The following PICK1 variants were observed in gnomAD, a reference collection of about 807,000 sequenced individuals.
PICK1 encodes protein interacting with PRKCA 1, also known as PRKCA-binding protein.
Under a neutral mutation model 48.9 loss-of-function variants are expected in PICK1, and 23 were observed. The observed-to-expected ratio is 0.47, with a 90% confidence interval of 0.34 to 0.67. PICK1 has a LOEUF of 0.67. PICK1 is among the 30% of genes least tolerant of loss of function. PICK1 has a pLI of 0.01. For synonymous variants in PICK1, 217 were observed against 228.2 expected, an observed-to-expected ratio of 0.95 and a Z score of 0.44; for missense variants, 423 against 557.1, an observed-to-expected ratio of 0.76 and a Z score of 2.42.
In PICK1 at chr22:38,073,805, CG is replaced by C; in HGVS notation, c.817del (p.Glu273ArgfsTer8). On this transcript the variant is annotated frameshift_variant, in exon 11 of 13. Transcript: ENST00000356976. LOFTEE classifies it high-confidence loss of function. The surrounding 1 kb of genome is among the most constrained non-coding windows in gnomAD (Gnocchi z 5.7). ...GCCTGAAGGTGAAGGAGATGGATGA[CG>C]AGGAATACAGCTGCATTGTGAGTGT... The part of the protein sequence containing the change: ...YCLKVKEMDD[E>X]EYSCIALGEP... The C allele has an allele frequency of 6.2e-7, 1 of 1,613,104 alleles. No homozygotes were observed. The highest frequency in any genetic ancestry group is 2.2e-5 in the East Asian group (1 of 44,830).
At position 38,059,243 on chromosome 22, in the gene PICK1, G is replaced by A. The variant is rs956340350; in HGVS notation, c.51G>A (p.Pro17=). 7.0e-6 allele frequency: 11 copies of A among 1,578,668 alleles called. No individual in the cohort carries two copies. The highest frequency in any genetic ancestry group is 2.3e-5 in the East Asian group (1 of 42,884). ...TTGCTTTCCTTTCTAGCGGAATCCC[G>A]ACTGTGCCTGGGAAGGTGACCCTGC... ...YDIEEDKLGI[P]TVPGKVTLQK... is the part of the protein sequence containing the mutation. The change falls in exon 3 of 13, where the codon CCG becomes CCA. Residue 17 remains proline (P), a synonymous_variant. Transcript: ENST00000356976.
intron 3 of PICK1, among the ~76,000 whole-genome samples, chr22:38,062,077 C>G (rs973753126): frequency 1.3e-5 from 2 of 152,166 alleles, no homozygotes. Context: ...CCTACTCTTG[C>G]GGAGCCCTCA....
Position 38,071,667 on chromosome 22 carries a change from C to A in PICK1, c.494-15C>A. The A allele has an allele frequency of 6.2e-7, 1 of 1,612,000 alleles. No individual in the cohort carries two copies. Among genetic ancestry groups the A allele is most frequent in the Non-Finnish European group, 8.5e-7 (1 of 1,178,644 alleles). ...CCATGCGTCCCCATTCCGCATCACT[C>A]GGTCTCTCCCACAGGGATGACGGAA... On this transcript the variant is annotated splice_polypyrimidine_tract_variant and intron_variant, in intron 7 of 12. Transcript: ENST00000356976.
chr22:38,063,763 C>T (rs767384182), intron 3 of PICK1, among the ~76,000 whole-genome samples: 3 of 151,578 alleles, frequency 2.0e-5, no homozygotes, highest in Non-Finnish European at 4.4e-5. Flanking sequence ...CCACCTCAGC[C>T]TCCCAAGTAG....
chr22:38,070,306 C>G (rs1417127361), intron 6 of PICK1, among the ~76,000 whole-genome samples: 1 of 152,230 alleles, frequency 6.6e-6, no homozygotes, highest in Non-Finnish European at 1.5e-5. Context: ...GGGCTTTCAG[C>G]CTTGAGAGCA....
At chr22:38,065,767 T>A (rs2085510008) in intron 4 of PICK1, among the ~76,000 whole-genome samples, 1 of 152,204 alleles carries the variant, frequency 6.6e-6, no homozygotes, top group African/African-American at 2.4e-5. Flanking sequence ...GCAGCCCCTT[T>A]GCCATTTCCT....
At position 38,069,682 on chromosome 22, in the gene PICK1, A is replaced by G; in HGVS notation, c.439+560A>G. ...GTGTGCCTGTGGGGTAGATATAAATACTTCTAGAAATTGTAGGCTCAGCTG... is the reference window on the plus strand; with the variant it reads ...GTGTGCCTGTGGGGTAGATATAAATGCTTCTAGAAATTGTAGGCTCAGCTG... On this transcript the variant is annotated intron_variant, in intron 6 of 12. Coordinates refer to ENST00000356976, the MANE Select transcript of PICK1 (RefSeq NM_012407.4). Among the ~76,000 whole-genome samples, 2 of 152,066 alleles carry G rather than the reference A, an allele frequency of 1.3e-5. 1 individual carries two copies. Among genetic ancestry groups the G allele is most frequent in the East Asian group, 3.9e-4 (2 of 5,176 alleles).
Position 38,067,784 on chromosome 22 carries a change from A to G in PICK1, c.349+14A>G. ...CCCTGGACATTGGTAAGCTGGTCAG[A>G]GCAGTTACGGGTGTCCAGCAGCCTC... is the stretch of plus-strand genomic sequence containing the variant. On this transcript the variant is annotated intron_variant, in intron 5 of 12. Coordinates refer to ENST00000356976, the MANE Select transcript of PICK1 (RefSeq NM_012407.4). 2 of 1,612,188 alleles carry G rather than the reference A, an allele frequency of 1.2e-6. No individual in the cohort carries two copies. The highest frequency in any genetic ancestry group is 1.7e-4 in the Middle Eastern group (1 of 6,046).
rs149474436 is a variant in PICK1 at position 38,074,931 on chromosome 22, C to T, written c.1047C>T (p.Tyr349=). Residue 349 remains tyrosine (Y), a synonymous_variant, in exon 13 of 13, where the codon TAC becomes TAT. Transcript: ENST00000356976. This position sits in a 1 kb window ranked among gnomAD's most constrained non-coding sequence, Gnocchi z 4.5. ...TGTCCAAGTACTACAACGACTGCTA[C>T]GCAGTGCTGCGGGATGCCGACGTCT... is the stretch of plus-strand genomic sequence containing the variant. ...STMSKYYNDC[Y]AVLRDADVFP... 3,231 of 1,613,662 alleles carry T rather than the reference C, an allele frequency of 2.0e-3. 62 individuals carry two copies. In the East Asian group the frequency reaches 0.03, roughly 15 times the overall value.
intron 2 of PICK1, among the ~76,000 whole-genome samples, chr22:38,058,845 A>C (rs2085332843): frequency 6.6e-6 from 1 of 152,172 alleles, no homozygotes; most frequent in Admixed American, 6.5e-5. Flanking sequence ...TCTCTACTAA[A>C]AATACAAAAA....
intron 3 of PICK1, among the ~76,000 whole-genome samples, chr22:38,061,182 A>T (rs2085391888): frequency 6.6e-6 from 1 of 152,034 alleles, no homozygotes; most frequent in Non-Finnish European, 1.5e-5. Context: ...TCTCTACTAA[A>T]ATACAAAAAT....
chr22:38,067,446 T>C, intron 4 of PICK1: 1 of 416,718 alleles, frequency 2.4e-6, no homozygotes, highest in East Asian at 5.6e-5. Context: ...GCAGCTGGGA[T>C]TACAGGCACG....
At position 38,057,792 on chromosome 22, in the gene PICK1, A is replaced by C. The variant is rs1185770145; in HGVS notation, c.-18A>C. On this transcript the variant is annotated 5_prime_UTR_variant, in exon 2 of 13. Transcript: ENST00000356976. ...ACCGAGCTGGGCAGTTAGCCAGCCC[A>C]CTCCAACTCTCGGAACCATGTTTGC... 6.2e-7 allele frequency: 1 copy of C among 1,613,162 alleles called. No individual in the cohort carries two copies. Among genetic ancestry groups the C allele is most frequent in the South Asian group, 1.1e-5 (1 of 91,064 alleles).
Position 38,073,070 on chromosome 22 carries a change from T to A in PICK1, c.761T>A (p.Leu254Gln), listed in dbSNP as rs2085742507. The A allele has an allele frequency of 6.2e-7, 1 of 1,613,008 alleles. No homozygotes were observed. The highest frequency in any genetic ancestry group is 1.3e-5 in the African/African-American group (1 of 74,928). The change falls in exon 10 of 13, where the codon CTG becomes CAG. Residue 254 changes from leucine (L) to glutamine (Q), a missense_variant. This residue lies in a region of PICK1 where 279 missense variants were observed against 417.8 expected (regional missense o/e 0.67). Coordinates refer to ENST00000356976, the MANE Select transcript of PICK1 (RefSeq NM_012407.4). This position sits in a 1 kb window ranked among gnomAD's most constrained non-coding sequence, Gnocchi z 5.7. ...PDTRLTIKKY[L>Q]DVKFEYLSYC... ...ACTCGCCTCACCATCAAGAAGTACC[T>A]GGACGTGAAGTTTGAGTACCTGGTG...
rs1002763539 is a variant in PICK1, at chr22:38,069,253, TGAG to T, written c.439+132_439+134del. On this transcript the variant is annotated intron_variant, in intron 6 of 12. Transcript: ENST00000356976. ...TGACCCTGGCCTCTGCCCGTGGAAC[TGAG>T]AAGTCACCATCTCTGTACCCCCAGA... is the stretch of plus-strand genomic sequence containing the variant. 9.9e-5 allele frequency: 68 copies of T among 687,926 alleles called. No individual in the cohort carries two copies. In the African/African-American group the frequency reaches 1.1e-3, roughly 11 times the overall value. The allele number at this position is 687,926 out of a possible 1,614,324, so 42.6% of individuals were successfully genotyped here.
chr22:38,074,522 C>G lies in PICK1; in HGVS notation c.979+71C>G. On this transcript the variant is annotated intron_variant, in intron 12 of 12. Transcript: ENST00000356976. This position sits in a 1 kb window ranked among gnomAD's most constrained non-coding sequence, Gnocchi z 4.5. ...GAAAACTGAGGCCCAGAGGGGTACT[C>G]TCAGGGCCAGGCCACGGCCCAGATG... is the stretch of plus-strand genomic sequence containing the variant. 1 of 1,584,168 alleles carries G rather than the reference C, an allele frequency of 6.3e-7. No homozygotes were observed. Among genetic ancestry groups the G allele is most frequent in the South Asian group, 1.1e-5 (1 of 88,428 alleles).
Position 38,070,827 on chromosome 22 carries a change from A to AATCC in PICK1, c.440-10_440-7dup. ...GCCCACTGACCTCCCCTCTTCTTTG[A>AATCC]ATCCCGACAGATGGGCTTGTCAAGA... On this transcript the variant is annotated splice_polypyrimidine_tract_variant and intron_variant, in intron 6 of 12. Transcript: ENST00000356976. 1 of 1,613,618 alleles carries AATCC rather than the reference A, an allele frequency of 6.2e-7. No homozygotes were observed. The highest frequency in any genetic ancestry group is 8.5e-7 in the Non-Finnish European group (1 of 1,179,820).
At position 38,069,091 on chromosome 22, in the gene PICK1, T is replaced by A; in HGVS notation, c.408T>A (p.Ala136=). The A allele has an allele frequency of 6.2e-7, 1 of 1,612,658 alleles. No homozygotes were observed. Among genetic ancestry groups the A allele is most frequent in the Non-Finnish European group, 8.5e-7 (1 of 1,179,494 alleles). ...ACATGAGTTCAGGGACCGCAGATGC[T>A]CTGGGCCTGAGCCGGGCCATCCTGT... ...VENMSSGTAD[A]LGLSRAILCN... Residue 136 remains alanine, a synonymous_variant, in exon 6 of 13, where the codon GCT becomes GCA. Coordinates refer to ENST00000356976, the MANE Select transcript of PICK1 (RefSeq NM_012407.4).
intron 5 of PICK1, 26 bp from the exon 6 acceptor site, chr22:38,069,007 C>T (rs377307272): frequency 8.8e-6 from 14 of 1,593,264 alleles, no homozygotes; most frequent in South Asian, 1.1e-5. Context: ...GCCACAGACT[C>T]ACCAGGTCCT....
Sources: allele counts gnomAD v4.1 joint callset (sites outside exome capture counted in the v4.1 genomes callset), GRCh38; gene constraint gnomAD v4.1.1; regional missense constraint gnomAD v4.1.1; non-coding constraint Gnocchi (gnomAD v3.1); transcripts MANE v1.5; gene names NCBI Gene and HGNC (gene_info 2026-07-23, HGNC 2026-07-21).